The following SCAND3 variants were observed in gnomAD, a reference collection of about 807,000 sequenced individuals.
SCAND3 encodes the protein SCAN domain-containing protein 3.
chr6:28,597,082 T>A, the SCAND3 span, among the ~76,000 whole-genome samples: 6 of 152,172 alleles, frequency 3.9e-5, no homozygotes, highest in Non-Finnish European at 8.8e-5. Flanking sequence ...AAGGTTACCA[T>A]CTGGAGGGAA....
chr6:28,585,555 C>G, the SCAND3 span, among the ~76,000 whole-genome samples: 3 of 152,296 alleles, frequency 2.0e-5, no homozygotes, highest in Non-Finnish European at 4.4e-5. Context: ...CAGCATTATA[C>G]TGACTCATTT....
At chr6:28,597,366 C>T in the SCAND3 span, among the ~76,000 whole-genome samples, 1 of 152,222 alleles carries the variant, frequency 6.6e-6, no homozygotes, top group African/African-American at 2.4e-5. Flanking sequence ...CGAACCCACG[C>T]GTGCAGAGCA....
At chr6:28,573,996 G>A in the SCAND3 span, among the ~76,000 whole-genome samples, 1 of 152,022 alleles carries the variant, frequency 6.6e-6, no homozygotes, top group Non-Finnish European at 1.5e-5. Flanking sequence ...ATACATCTTT[G>A]GGTTATGGCT....
At chr6:28,584,367 AT>A in the SCAND3 span, among the ~76,000 whole-genome samples, 27,281 of 151,382 alleles carry the variant, frequency 0.18, 2,555 homozygotes, top group South Asian at 0.21. Flanking sequence ...GCAATGTTTT[AT>A]TTTTTTTTAA....
chr6:28,603,521 T>C, the SCAND3 span, among the ~76,000 whole-genome samples: 1 of 152,176 alleles, frequency 6.6e-6, no homozygotes, highest in African/African-American at 2.4e-5. Context: ...TAGTTATAGT[T>C]GTTTCTCTTT....
the SCAND3 span, among the ~76,000 whole-genome samples, chr6:28,579,922 C>T: frequency 6.6e-6 from 1 of 152,124 alleles, no homozygotes; most frequent in African/African-American, 2.4e-5. This position sits in a 1 kb window ranked among gnomAD's most constrained non-coding sequence, Gnocchi z 4.5. Context: ...AGAAAATGTA[C>T]AAATTGTTAA....
the SCAND3 span, among the ~76,000 whole-genome samples, chr6:28,614,208 C>T: frequency 1.3e-5 from 2 of 152,310 alleles, no homozygotes; most frequent in African/African-American, 4.8e-5. Flanking sequence ...AGGTGATCCA[C>T]CCGCCTCGGC....
chr6:28,579,477 T>C, the SCAND3 span: 1 of 1,429,672 alleles, frequency 7.0e-7, no homozygotes, highest in East Asian at 2.3e-5. This position sits in a 1 kb window ranked among gnomAD's most constrained non-coding sequence, Gnocchi z 4.5. Context: ...TTGTCATAGC[T>C]AAACTTGTAT....
chr6:28,579,492 C>A, the SCAND3 span: 2 of 1,314,128 alleles, frequency 1.5e-6, no homozygotes, highest in East Asian at 2.3e-5. This position sits in a 1 kb window ranked among gnomAD's most constrained non-coding sequence, Gnocchi z 4.5. Context: ...TTGTATTCTT[C>A]CACTAAAATA....
the SCAND3 span, among the ~76,000 whole-genome samples, chr6:28,580,198 T>C: frequency 6.6e-6 from 1 of 152,266 alleles, no homozygotes; most frequent in South Asian, 2.1e-4. Flanking sequence ...TCCCAGCATT[T>C]TGGGACTAAT....
chr6:28,599,043 G>C, the SCAND3 span, among the ~76,000 whole-genome samples: 1 of 151,770 alleles, frequency 6.6e-6, no homozygotes, highest in Non-Finnish European at 1.5e-5. Flanking sequence ...AAAAAGAAAA[G>C]AAGAAAGAAA....
the SCAND3 span, chr6:28,574,614 C>A: frequency 6.3e-7 from 1 of 1,575,378 alleles, no homozygotes; most frequent in South Asian, 1.1e-5. Flanking sequence ...TCTTCCCCTG[C>A]TTTCATCTAC....
chr6:28,584,344 A>AT, the SCAND3 span, among the ~76,000 whole-genome samples: 1 of 151,258 alleles, frequency 6.6e-6, no homozygotes. Flanking sequence ...TTAAAAGACA[A>AT]TTTTTTTCTC....
At chr6:28,602,343 G>A in the SCAND3 span, among the ~76,000 whole-genome samples, 9 of 152,004 alleles carry the variant, frequency 5.9e-5, no homozygotes, top group Non-Finnish European at 2.9e-5. Context: ...TGAGTAACTG[G>A]GACTACAGGT....
At chr6:28,582,395 G>A in the SCAND3 span, among the ~76,000 whole-genome samples, 1 of 151,938 alleles carries the variant, frequency 6.6e-6, no homozygotes, top group African/African-American at 2.4e-5. This position sits in a 1 kb window ranked among gnomAD's most constrained non-coding sequence, Gnocchi z 4.8. Context: ...TATCTTAAGG[G>A]GGAAAAAAAC....
chr6:28,580,441 CAAA>C, the SCAND3 span, among the ~76,000 whole-genome samples: 3 of 124,952 alleles, frequency 2.4e-5, no homozygotes, highest in Non-Finnish European at 5.2e-5. Flanking sequence ...GACTCCGTCT[CAAA>C]AAAAAAAAAA....
At chr6:28,573,838 G>C in the SCAND3 span, 1 of 1,507,114 alleles carries the variant, frequency 6.6e-7, no homozygotes, top group African/African-American at 1.4e-5. Context: ...CTGAAATTAG[G>C]AATAAAAGTA....
chr6:28,613,667 A>G, the SCAND3 span, among the ~76,000 whole-genome samples: 1 of 152,304 alleles, frequency 6.6e-6, no homozygotes, highest in East Asian at 1.9e-4. Context: ...ATTTCAACAC[A>G]AAGTGTACAA....
At chr6:28,613,564 T>C in the SCAND3 span, among the ~76,000 whole-genome samples, 1 of 152,208 alleles carries the variant, frequency 6.6e-6, no homozygotes, top group East Asian at 1.9e-4. Flanking sequence ...CTGCCTTCAA[T>C]TCAGTGGACA....
Sources: gnomAD v4.1 joint callset for allele counts (sites outside exome capture counted in the v4.1 genomes callset) on GRCh38, gnomAD v4.1.1 for gene constraint, Gnocchi (gnomAD v3.1) non-coding constraint, MANE v1.5 for transcripts, NCBI Gene and HGNC (gene_info 2026-07-23, HGNC 2026-07-21) for gene names.